The following CELF4 variants were observed in gnomAD, a reference collection of about 807,000 sequenced individuals.
The protein encoded by CELF4 is CUG-BP- and ETR-3-like factor 4.
CELF4 carries 18 observed loss-of-function variants against 59.9 expected under a neutral mutation model. The ratio of observed to expected loss-of-function variants is 0.30; its 90% CI spans 0.21 to 0.45. The LOEUF (loss-of-function observed/expected upper bound fraction) is 0.45. Ranked by LOEUF, CELF4 falls within the 20% of genes least tolerant of loss-of-function variation. CELF4 has a pLI of 1.00. For synonymous variants in CELF4, 261 were observed against 267.1 expected (o/e 0.98, Z 0.22); for missense variants, 456 against 689.0 (o/e 0.66, Z 3.79).
intron 2 of CELF4, among the ~76,000 whole-genome samples, chr18:37,390,802 C>CGGGGG (rs1557404633): frequency 1.6e-4 from 9 of 57,836 alleles, no homozygotes; most frequent in African/African-American, 2.7e-4. Flanking sequence ...GGTGATGGGG[C>CGGGGG]GGGGAGGGGG....
At chr18:37,454,814 AC>A (rs1183316452) in intron 2 of CELF4, among the ~76,000 whole-genome samples, 1 of 152,164 alleles carries the variant, frequency 6.6e-6, no homozygotes, top group African/African-American at 2.4e-5. Flanking sequence ...TCAACTAAAC[AC>A]ATTGTTTTCA....
intron 2 of CELF4, among the ~76,000 whole-genome samples, chr18:37,392,827 A>C (rs949148929): frequency 2.6e-5 from 4 of 152,220 alleles, no homozygotes; most frequent in African/African-American, 9.6e-5. Flanking sequence ...CCCTGACACC[A>C]CATCTCAAAC....
chr18:37,315,013 T>C (rs1268085097), intron 3 of CELF4, among the ~76,000 whole-genome samples: 2 of 151,898 alleles, frequency 1.3e-5, no homozygotes, highest in African/African-American at 2.4e-5. Context: ...CCGATTCTGC[T>C]GTGCAGGTGG....
intron 4 of CELF4, 28 bp from the exon 5 acceptor site, chr18:37,274,912 G>C (rs1217533799): frequency 1.2e-6 from 2 of 1,600,300 alleles, no homozygotes; most frequent in Non-Finnish European, 1.7e-6. Context: ...GCCGAGCTGG[G>C]ACCCAGAAGC....
At chr18:37,330,053 G>C (rs1039297159) in intron 2 of CELF4, among the ~76,000 whole-genome samples, 1 of 152,188 alleles carries the variant, frequency 6.6e-6, no homozygotes, top group African/African-American at 2.4e-5. Flanking sequence ...GATAGACCAA[G>C]AATTTTCAGC....
intron 2 of CELF4, among the ~76,000 whole-genome samples, chr18:37,449,570 C>T (rs144925499): frequency 3.0e-4 from 46 of 152,254 alleles, no homozygotes; most frequent in East Asian, 1.9e-3. Flanking sequence ...CTGAAGCACA[C>T]GGTCTAGTGG....
chr18:37,371,416 G>A (rs2000923), intron 2 of CELF4, among the ~76,000 whole-genome samples: 89,075 of 151,982 alleles, frequency 0.59, 26,287 homozygotes, highest in South Asian at 0.7. Context: ...TGGCCTCAGG[G>A]GATGTGCAAG....
intron 3 of CELF4, among the ~76,000 whole-genome samples, chr18:37,294,534 T>C (rs1252404560): frequency 6.6e-6 from 1 of 152,224 alleles, no homozygotes; most frequent in African/African-American, 2.4e-5. Context: ...ACCACTGTGG[T>C]TCCTAAGTCA....
intron 1 of CELF4, among the ~76,000 whole-genome samples, chr18:37,551,697 G>T (rs2099983221): frequency 6.6e-6 from 1 of 152,330 alleles, no homozygotes; most frequent in East Asian, 1.9e-4. Flanking sequence ...ATGGCCACGG[G>T]TTTAAATATT....
At chr18:37,278,049 G>A (rs1440314919) in intron 3 of CELF4, among the ~76,000 whole-genome samples, 2 of 152,144 alleles carry the variant, frequency 1.3e-5, no homozygotes, top group East Asian at 1.9e-4. Context: ...TCATCCACAT[G>A]TGCCTTTCTA....
chr18:37,360,909 T>C (rs530732982), intron 2 of CELF4, among the ~76,000 whole-genome samples: 14 of 152,300 alleles, frequency 9.2e-5, no homozygotes, highest in African/African-American at 2.9e-4. Context: ...TTTATTTACA[T>C]ATGAGCCTGT....
At chr18:37,526,530 C>T (rs2099963987) in intron 1 of CELF4, among the ~76,000 whole-genome samples, 1 of 152,140 alleles carries the variant, frequency 6.6e-6, no homozygotes, top group East Asian at 1.9e-4. Flanking sequence ...GAGTACTACT[C>T]AGCGCTTGGG....
chr18:37,308,770 C>T (rs75625185), intron 3 of CELF4, among the ~76,000 whole-genome samples: 5 of 151,602 alleles, frequency 3.3e-5, no homozygotes, highest in Admixed American at 1.3e-4. Flanking sequence ...GGATTTTCCC[C>T]GATAAGGGTC....
chr18:37,489,059 G>C (rs1040309019), intron 1 of CELF4, among the ~76,000 whole-genome samples: 1 of 152,244 alleles, frequency 6.6e-6, no homozygotes, highest in African/African-American at 2.4e-5. Context: ...GGCTAGAGAG[G>C]TGTTGAAGCC....
chr18:37,548,439 G>A (rs1035000099), intron 1 of CELF4, among the ~76,000 whole-genome samples: 5 of 152,056 alleles, frequency 3.3e-5, no homozygotes, highest in Non-Finnish European at 5.9e-5. Context: ...GCTTTGTCAC[G>A]AGGATGTAAT....
At chr18:37,339,709 G>A (rs1006447632) in intron 2 of CELF4, among the ~76,000 whole-genome samples, 10 of 149,262 alleles carry the variant, frequency 6.7e-5, no homozygotes, top group African/African-American at 2.5e-4. Context: ...AGCCGAGATC[G>A]CACTACTGTA....
intron 2 of CELF4, among the ~76,000 whole-genome samples, chr18:37,402,557 G>C (rs1322708226): frequency 1.3e-5 from 2 of 152,174 alleles, no homozygotes; most frequent in Non-Finnish European, 2.9e-5. Flanking sequence ...GTGGAAAGTA[G>C]GTGTGGGGTA....
At chr18:37,321,993 A>G in intron 2 of CELF4, 112 bp from the exon 3 acceptor site, 4 of 699,518 alleles carry the variant, frequency 5.7e-6, no homozygotes, top group Non-Finnish European at 6.9e-6. Flanking sequence ...ACCCACAGAC[A>G]CGCGCTCCCA....
intron 2 of CELF4, among the ~76,000 whole-genome samples, chr18:37,480,705 TG>T (rs1414951624): frequency 6.6e-6 from 1 of 151,506 alleles, no homozygotes; most frequent in Non-Finnish European, 1.5e-5. Context: ...AGGGTTGAGG[TG>T]GGGTGGGCCA....
Sources: allele counts gnomAD v4.1 joint callset (sites outside exome capture counted in the v4.1 genomes callset), GRCh38; gene constraint gnomAD v4.1.1; transcripts MANE v1.5; gene names NCBI Gene and HGNC (gene_info 2026-07-23, HGNC 2026-07-21).